Variants in USP6 observed in about 807,000 individuals in gnomAD.
The protein encoded by USP6 is ubiquitin specific peptidase 6.
A neutral mutation model predicts 175.7 loss-of-function variants in USP6; 128 were observed. That is an observed-to-expected ratio of 0.73 (90% CI 0.63 to 0.84). The LOEUF is 0.84. Among genes scored for constraint, USP6 ranks in the 40% least tolerant of loss-of-function variants. The pLI is 0.00. For missense variants in USP6, 1,498 were observed against 1,760.3 expected, an observed-to-expected ratio of 0.85 and a Z score of 2.67; for synonymous variants, 562 against 630.6, an observed-to-expected ratio of 0.89 and a Z score of 1.63.
At chr17:5,135,958 C>T (rs762136918) in intron 17 of USP6, 30 bp downstream of exon 17, 26 of 1,597,250 alleles carry the variant, frequency 1.6e-5, no homozygotes, top group South Asian at 5.5e-5. Flanking sequence ...TGGGGCCTCA[C>T]GCAGCCAGAC....
intron 13 of USP6, among the ~76,000 whole-genome samples, 160 bp downstream of exon 13, chr17:5,133,150 C>T (rs941160233): frequency 8.5e-5 from 13 of 152,162 alleles, no homozygotes; most frequent in African/African-American, 3.1e-4. Flanking sequence ...CCTGCCTATT[C>T]GTGCAAGTGT....
Position 5,173,903 on chromosome 17 carries a change from A to G in USP6, c.*925A>G, listed in dbSNP as rs1053529. 1 of 221,978 alleles carries G rather than the reference A, an allele frequency of 4.5e-6. No individual in the cohort carries two copies. The highest frequency in any genetic ancestry group is 2.2e-5 in the African/African-American group (1 of 44,702). 13.8% of individuals were successfully genotyped at this position (221,978 alleles called of 1,614,324 possible). On this transcript the variant is annotated 3_prime_UTR_variant, in exon 38 of 38. Transcript: ENST00000574788. ...AGATCACGTTTCACAATTAGTGGTTATTCTTTTCTGTGTTTGTTTTGCACT... is the reference window on the plus strand; with the variant it reads ...AGATCACGTTTCACAATTAGTGGTTGTTCTTTTCTGTGTTTGTTTTGCACT...
intron 33 of USP6, among the ~76,000 whole-genome samples, chr17:5,164,458 C>A (rs1422641235): frequency 6.6e-6 from 1 of 152,260 alleles, no homozygotes; most frequent in Admixed American, 6.5e-5. Context: ...ATTCATAAAT[C>A]TTTGTTAGCA....
intron 15 of USP6, chr17:5,134,260 G>T: frequency 4.2e-6 from 2 of 471,354 alleles, no homozygotes; most frequent in Non-Finnish European, 7.8e-6. Flanking sequence ...ATGGTGAAAG[G>T]TGCTCTCCCT....
intron 25 of USP6, 63 bp downstream of exon 25, chr17:5,142,565 C>G: frequency 2.0e-6 from 3 of 1,529,754 alleles, no homozygotes; most frequent in East Asian, 2.5e-5. Flanking sequence ...TCATTTTTCT[C>G]TACTTGTTTT....
chr17:5,136,834 G>A (rs910079847), intron 18 of USP6, 100 bp downstream of exon 18: 2 of 1,528,330 alleles, frequency 1.3e-6, no homozygotes, highest in Admixed American at 1.7e-5. Flanking sequence ...GTGACTGGCG[G>A]AGTCCCAGCT....
chr17:5,135,680 C>G, intron 16 of USP6, 128 bp from the exon 17 acceptor site: 14 of 1,582,632 alleles, frequency 8.8e-6, no homozygotes, highest in African/African-American at 1.3e-5. Context: ...GAATTTGCAT[C>G]CTGAGGAAGC....
chr17:5,164,680 C>T (rs1331906031), intron 33 of USP6, among the ~76,000 whole-genome samples: 1 of 152,240 alleles, frequency 6.6e-6, no homozygotes, highest in Non-Finnish European at 1.5e-5. Context: ...AAACGAAGGG[C>T]TGTTGATGCC....
intron 19 of USP6, 24 bp from the exon 20 acceptor site, chr17:5,137,627 C>T: frequency 6.3e-7 from 1 of 1,599,100 alleles, no homozygotes; most frequent in Non-Finnish European, 8.5e-7. Context: ...GGGCCAGGTT[C>T]TCTCATACCT....
At position 5,144,496 on chromosome 17, in the gene USP6, CT is replaced by C. The variant is rs368532695; in HGVS notation, c.1819-183del. Among the ~76,000 whole-genome samples the C allele has an allele frequency of 3.6e-3, 524 of 144,688 alleles. 3 individuals are homozygous for C. The highest frequency in any genetic ancestry group is 6.3e-3 in the Admixed American group (91 of 14,352). The allele number at this position is 144,688 out of a possible 152,430, so 94.9% of individuals were successfully genotyped here. Reference sequence around the variant, plus strand: ...ACACAGTATTGGCCAAAATACTTCTCTTTTTTTTTTTGGTCATTTGACATTA... The same window carrying C: ...ACACAGTATTGGCCAAAATACTTCTCTTTTTTTTTTGGTCATTTGACATTA... On this transcript the variant is annotated intron_variant, in intron 25 of 37. Transcript: ENST00000574788.
At chr17:5,169,327 TG>T (rs1250165112) in intron 35 of USP6, among the ~76,000 whole-genome samples, 1 of 152,202 alleles carries the variant, frequency 6.6e-6, no homozygotes, top group Non-Finnish European at 1.5e-5. Context: ...GCCTGATGTA[TG>T]GTAAACAGGA....
chr17:5,120,253 G>A (rs908807262), intron 2 of USP6, among the ~76,000 whole-genome samples: 2 of 152,156 alleles, frequency 1.3e-5, no homozygotes, highest in African/African-American at 4.8e-5. Flanking sequence ...CTGCATGCCT[G>A]TGCTGTGGGG....
At chr17:5,126,285 C>T (rs2072892310) in intron 6 of USP6, among the ~76,000 whole-genome samples, 1 of 152,172 alleles carries the variant, frequency 6.6e-6, no homozygotes, top group South Asian at 2.1e-4. Context: ...GAGTGGAAGG[C>T]ACTGCAGATC....
In USP6 at chr17:5,138,194, G is replaced by A; in HGVS notation, c.999G>A (p.Met333Ile). 6.2e-7 allele frequency: 1 copy of A among 1,614,092 alleles called. No individual in the cohort carries two copies. Among genetic ancestry groups the A allele is most frequent in the Non-Finnish European group, 8.5e-7 (1 of 1,179,992 alleles). ...LRNQFFDTWA[M>I]NDDTVLKHLR... ...ACCAATTCTTCGATACCTGGGCCAT[G>A]AACGATGACACCGTGCTCAAGCATC... The change falls in exon 21 of 38, where the codon ATG (methionine) becomes ATA (isoleucine). Residue 333 changes from methionine (M) to isoleucine (I), a missense_variant. Met to Ile is a conservative substitution (Grantham distance 10, BLOSUM62 1). This residue lies in a region of USP6 where 1,217 missense variants were observed against 1,500.8 expected (regional missense o/e 0.81). Transcript: ENST00000574788.
intron 10 of USP6, 36 bp downstream of exon 10, chr17:5,130,475 T>G (rs1202280921): frequency 2.5e-6 from 4 of 1,613,318 alleles, no homozygotes; most frequent in Non-Finnish European, 3.4e-6. Context: ...GGAGGCCTCT[T>G]CCAGTGCGCC....
chr17:5,144,793 G>A lies in USP6; in HGVS notation c.1922G>A (p.Arg641Gln), dbSNP rs200945587. 52 of 1,613,618 alleles carry A rather than the reference G, an allele frequency of 3.2e-5. 1 individual carries two copies. The Middle Eastern group carries it at 5.0e-4, about 15-fold the overall frequency. The part of the protein sequence containing the change: ...LLDGLHEDLN[R>Q]VHEKPYVELK... ...GATGGTCTTCATGAAGATCTCAACC[G>A]AGTCCATGAAAAGCCATATGTGGAA... Residue 641 changes from arginine (R) to glutamine (Q), a missense_variant, in exon 26 of 38, where the codon CGA becomes CAA. Arg to Gln is a conservative substitution (Grantham distance 43). This residue lies in a region of USP6 where 1,217 missense variants were observed against 1,500.8 expected (regional missense o/e 0.81). Coordinates refer to ENST00000574788, the MANE Select transcript of USP6 (RefSeq NM_001304284.2).
At chr17:5,120,509 G>GTGTC (rs546927224) in intron 2 of USP6, 118 bp from the exon 3 acceptor site, 101 of 336,276 alleles carry the variant, frequency 3.0e-4, no homozygotes, top group African/African-American at 3.4e-4. Flanking sequence ...TGGCCTATCT[G>GTGTC]TGTCTGTCTG....
At chr17:5,148,516 C>T in intron 29 of USP6, 40 bp from the exon 30 acceptor site, 2 of 1,607,314 alleles carry the variant, frequency 1.2e-6, no homozygotes, top group Non-Finnish European at 8.5e-7. Context: ...GATGAAAATA[C>T]CACAAGCTTA....
Position 5,135,227 on chromosome 17 carries a change from T to C in USP6, c.495-7T>C, listed in dbSNP as rs1428635863. 1 of 1,612,458 alleles carries C rather than the reference T, an allele frequency of 6.2e-7. No homozygotes were observed. ...CCAAACCATAGCCCCCTTTCTGTGT[T>C]TCCTAGGCAGAGGGAACTATTCTAC... On this transcript the variant is annotated splice_polypyrimidine_tract_variant and splice_region_variant and intron_variant, in intron 15 of 37. Transcript: ENST00000574788.
Sources: gnomAD v4.1 joint callset for allele counts (sites outside exome capture counted in the v4.1 genomes callset) on GRCh38, gnomAD v4.1.1 for gene constraint, gnomAD v4.1.1 regional missense constraint, MANE v1.5 for transcripts, NCBI Gene and HGNC (gene_info 2026-07-23, HGNC 2026-07-21) for gene names.